Variants in EML1 observed in about 807,000 individuals in gnomAD.
EML1 encodes echinoderm microtubule-associated protein-like 1.
A neutral mutation model predicts 110.4 loss-of-function variants in EML1; 27 were observed. The ratio of observed to expected loss-of-function variants is 0.24; its 90% CI spans 0.18 to 0.34. The LOEUF (loss-of-function observed/expected upper bound fraction) is 0.34, where lower values mean the gene tolerates loss of function less well. Ranked by LOEUF, EML1 falls within the 10% of genes least tolerant of loss-of-function variation. EML1 has a pLI of 1.00. For synonymous variants in EML1, 344 were observed against 385.8 expected, an observed-to-expected ratio of 0.89 and a Z score of 1.27; for missense variants, 741 against 1,030.9, an observed-to-expected ratio of 0.72 and a Z score of 3.85.
At chr14:99,794,122 T>A (rs1377380081) in intron 1 of EML1, among the ~76,000 whole-genome samples, 1 of 152,198 alleles carries the variant, frequency 6.6e-6, no homozygotes, top group Non-Finnish European at 1.5e-5. Context: ...CTTATTTTGT[T>A]TATGGGATAA....
chr14:99,845,985 G>A (rs768064959), intron 1 of EML1, among the ~76,000 whole-genome samples: 57 of 150,998 alleles, frequency 3.8e-4, no homozygotes, highest in African/African-American at 9.2e-4. Context: ...AGGAGGCGGC[G>A]GTTGCAGTGA....
chr14:99,918,179 CTG>C (rs1474481777), intron 16 of EML1, among the ~76,000 whole-genome samples: 1 of 152,238 alleles, frequency 6.6e-6, no homozygotes, highest in East Asian at 1.9e-4. Context: ...TCACAGCTTA[CTG>C]CAGCCTCCAG....
chr14:99,871,895 T>C (rs924189104), intron 3 of EML1, among the ~76,000 whole-genome samples: 7 of 152,172 alleles, frequency 4.6e-5, no homozygotes, highest in African/African-American at 1.4e-4. Flanking sequence ...GTCGTGTGGC[T>C]GGAGCGTGGG....
intron 4 of EML1, among the ~76,000 whole-genome samples, chr14:99,884,140 G>C (rs1233961233): frequency 6.6e-6 from 1 of 152,202 alleles, no homozygotes; most frequent in Non-Finnish European, 1.5e-5. Context: ...TGCAGAGCTG[G>C]TCTGCGGTCG....
Position 99,808,540 on chromosome 14 carries a change from C to T in EML1, c.67+14997C>T, listed in dbSNP as rs59421576. 2.2e-3 allele frequency among the ~76,000 whole-genome samples: 342 copies of T among 152,122 alleles called. 1 individual carries two copies. Among genetic ancestry groups the T allele is most frequent in the African/African-American group, 7.8e-3 (323 of 41,484 alleles). ...ATTCATGGATCACATATATTATATA[C>T]GTATTTAGTGAAAAACAATATATAT... On this transcript the variant is annotated intron_variant, in intron 1 of 21. Transcript: ENST00000262233.
At chr14:99,879,438 GTTT>G (rs1242393727) in intron 4 of EML1, among the ~76,000 whole-genome samples, 1 of 149,042 alleles carries the variant, frequency 6.7e-6, no homozygotes. Context: ...CTAAGCATGT[GTTT>G]TTTTTCCCAA....
chr14:99,779,428 TTGTC>T (rs1235321055), intron 1 of EML1, among the ~76,000 whole-genome samples: 1 of 152,252 alleles, frequency 6.6e-6, no homozygotes, highest in Non-Finnish European at 1.5e-5. Flanking sequence ...GCTGTCTGTG[TTGTC>T]TGTTTCCTCA....
rs539260743 is a variant in EML1 at position 99,799,820 on chromosome 14, T to C, written c.67+6277T>C. On this transcript the variant is annotated intron_variant, in intron 1 of 21. Transcript: ENST00000262233. Reference sequence around the variant, plus strand: ...GGATAAGAGAGGAGAAATAACATCTTTGTTTCTAGTGTTACAGCTTGTTCA... The same window carrying C: ...GGATAAGAGAGGAGAAATAACATCTCTGTTTCTAGTGTTACAGCTTGTTCA... Among the ~76,000 whole-genome samples the C allele has an allele frequency of 7.2e-5, 11 of 152,338 alleles. No individual in the cohort carries two copies. In the South Asian group the frequency reaches 2.1e-3, roughly 29 times the overall value.
chr14:99,890,497 G>T (rs955504515), intron 4 of EML1, among the ~76,000 whole-genome samples: 10 of 152,170 alleles, frequency 6.6e-5, no homozygotes, highest in African/African-American at 2.4e-4. Context: ...TCCCCTCGTG[G>T]AAGTTTCTCC....
At chr14:99,843,306 A>G (rs1162681637) in intron 1 of EML1, among the ~76,000 whole-genome samples, 2 of 152,210 alleles carry the variant, frequency 1.3e-5, no homozygotes, top group African/African-American at 4.8e-5. Context: ...ATGATTTAAA[A>G]AGCAAATATT....
intron 1 of EML1, chr14:99,809,630 A>G (rs1485219144): frequency 4.4e-6 from 2 of 456,094 alleles, no homozygotes; most frequent in Non-Finnish European, 8.8e-6. Flanking sequence ...CAGGCCTGCA[A>G]CGTCTTATCT....
At chr14:99,759,474 C>G (rs2057291050) in intron 1 of EML1, among the ~76,000 whole-genome samples, 1 of 152,240 alleles carries the variant, frequency 6.6e-6, no homozygotes, top group South Asian at 2.1e-4. Context: ...GGGAGGTCCC[C>G]TTCTCTTAGT....
intron 1 of EML1, among the ~76,000 whole-genome samples, chr14:99,814,228 A>C (rs767454996): frequency 2.6e-5 from 4 of 152,176 alleles, no homozygotes; most frequent in Non-Finnish European, 5.9e-5. Flanking sequence ...GAGACATTGA[A>C]AACCAGTAAC....
At chr14:99,892,460 A>G (rs1340826127) in intron 5 of EML1, among the ~76,000 whole-genome samples, 3 of 152,140 alleles carry the variant, frequency 2.0e-5, no homozygotes, top group Non-Finnish European at 4.4e-5. Context: ...AGAGAGCTAT[A>G]GGGCCACCCC....
At chr14:99,812,678 G>A (rs1415346070) in intron 1 of EML1, among the ~76,000 whole-genome samples, 1 of 152,144 alleles carries the variant, frequency 6.6e-6, no homozygotes, top group Non-Finnish European at 1.5e-5. Context: ...GTAGGGAGGG[G>A]AGTCAGCCTT....
At chr14:99,787,532 G>A (rs906769993) in intron 1 of EML1, among the ~76,000 whole-genome samples, 2 of 152,042 alleles carry the variant, frequency 1.3e-5, no homozygotes, top group African/African-American at 4.8e-5. Context: ...GCCTGGCTTG[G>A]CCTCCCAAAG....
chr14:99,753,037 C>T (rs985213326), intron 1 of EML1, among the ~76,000 whole-genome samples: 26 of 152,154 alleles, frequency 1.7e-4, no homozygotes, highest in Non-Finnish European at 3.2e-4. Flanking sequence ...CTGCACCTGG[C>T]CCAGCCTCAG....
At chr14:99,884,896 C>G (rs990977085) in intron 4 of EML1, among the ~76,000 whole-genome samples, 1 of 152,300 alleles carries the variant, frequency 6.6e-6, no homozygotes, top group Non-Finnish European at 1.5e-5. Flanking sequence ...TCCAGCTCAT[C>G]CTTCGAGACC....
At chr14:99,805,001 C>T (rs970408658) in intron 1 of EML1, among the ~76,000 whole-genome samples, 2 of 152,176 alleles carry the variant, frequency 1.3e-5, no homozygotes, top group Non-Finnish European at 1.5e-5. Flanking sequence ...TACAGGATTC[C>T]ACATGCTGAG....
Sources: gnomAD v4.1 joint callset for allele counts (sites outside exome capture counted in the v4.1 genomes callset) on GRCh38, gnomAD v4.1.1 for gene constraint, MANE v1.5 for transcripts, NCBI Gene and HGNC (gene_info 2026-07-23, HGNC 2026-07-21) for gene names.